PTPRJ: variants seen among roughly 807,000 people sequenced by gnomAD.
PTPRJ encodes receptor-type tyrosine-protein phosphatase eta.
PTPRJ carries 129 observed loss-of-function variants against 141.3 expected under a neutral mutation model. The ratio of observed to expected loss-of-function variants is 0.91; its 90% CI spans 0.79 to 1.06. The LOEUF is 1.06. Among genes scored for constraint, PTPRJ ranks in the 50% least tolerant of loss-of-function variants. The pLI is 0.00. For missense variants in PTPRJ, 1,601 were observed against 1,679.7 expected (o/e 0.95, Z 0.82); for synonymous variants, 610 against 640.5 (o/e 0.95, Z 0.72).
chr11:48,106,728 T>A (rs1405435685), intron 1 of PTPRJ, among the ~76,000 whole-genome samples: 1 of 151,720 alleles, frequency 6.6e-6, no homozygotes, highest in Non-Finnish European at 1.5e-5. Flanking sequence ...TGACTTAGTT[T>A]CTTTTTTTTC....
chr11:48,063,066 G>A (rs994605822), intron 1 of PTPRJ, among the ~76,000 whole-genome samples: 7 of 152,210 alleles, frequency 4.6e-5, no homozygotes, highest in Non-Finnish European at 1.0e-4. Flanking sequence ...AGTGGCTCAT[G>A]CCTGTAATCC....
At chr11:48,061,000 C>G (rs892997676) in intron 1 of PTPRJ, among the ~76,000 whole-genome samples, 3 of 152,134 alleles carry the variant, frequency 2.0e-5, no homozygotes, top group Non-Finnish European at 4.4e-5. Flanking sequence ...TCTTCTTCTC[C>G]TTTCTTTCTT....
chr11:48,003,529 C>G (rs1244577359), intron 1 of PTPRJ, among the ~76,000 whole-genome samples: 2 of 152,074 alleles, frequency 1.3e-5, no homozygotes, highest in African/African-American at 4.8e-5. Flanking sequence ...CAGAGTTTTG[C>G]TTGTCTCCCA....
chr11:48,130,828 A>T, intron 8 of PTPRJ, 112 bp downstream of exon 8: 1 of 1,245,840 alleles, frequency 8.0e-7, no homozygotes, highest in Non-Finnish European at 1.1e-6. Flanking sequence ...CTAAGAAAAA[A>T]CTTTAAAAAT....
rs1555061195 is a variant in PTPRJ at position 48,168,532 on chromosome 11, G to GTATATATATA, written c.*1171_*1172insATATATATAT. The GTATATATATA allele has an allele frequency of 3.9e-3, 170 of 43,912 alleles. 51 individuals are homozygous for GTATATATATA. The highest frequency in any genetic ancestry group is 4.8e-3 in the African/African-American group (55 of 11,480). 2.7% of individuals were successfully genotyped at this position (43,912 alleles called of 1,614,324 possible). A position where few individuals can be genotyped will look rare whatever the true frequency, so the allele number is the denominator to read the frequency against. On this transcript the variant is annotated 3_prime_UTR_variant, in exon 25 of 25. Transcript: ENST00000418331. ...GCCGTGACACATATCGGAATCTACT[G>GTATATATATA]TGTATATATATATATATATATATAT...
At chr11:48,002,596 T>C (rs1854528662) in intron 1 of PTPRJ, among the ~76,000 whole-genome samples, 1 of 152,210 alleles carries the variant, frequency 6.6e-6, no homozygotes. Flanking sequence ...TAATTCACTG[T>C]CCTGTCACCC....
At position 48,170,241 on chromosome 11, in the gene PTPRJ, A is replaced by G. The variant is rs1050952258; in HGVS notation, c.*2879A>G. On this transcript the variant is annotated 3_prime_UTR_variant, in exon 25 of 25. Transcript: ENST00000418331. ...TTGGGGGATTTGGGCCATTGATAGC[A>G]TCTCCCAGGAACAACGACTTTTTGC... The G allele has an allele frequency of 3.3e-5, 5 of 152,164 alleles. No individual in the cohort carries two copies. Among genetic ancestry groups the G allele is most frequent in the African/African-American group, 1.2e-4 (5 of 41,406 alleles). The allele number at this position is 152,164 out of a possible 1,614,324, so 9.4% of individuals were successfully genotyped here. A position where few individuals can be genotyped will look rare whatever the true frequency, so the allele number is the denominator to read the frequency against.
At chr11:48,066,829 G>A (rs192287384) in intron 1 of PTPRJ, among the ~76,000 whole-genome samples, 61 of 152,016 alleles carry the variant, frequency 4.0e-4, no homozygotes, top group African/African-American at 1.4e-3. Flanking sequence ...CAGGTGATCC[G>A]CCTGCCTCGG....
Position 48,139,790 on chromosome 11 carries a change from C to T in PTPRJ, c.2443+14C>T, listed in dbSNP as rs768652189. On this transcript the variant is annotated intron_variant, in intron 11 of 24. Coordinates refer to ENST00000418331, the MANE Select transcript of PTPRJ (RefSeq NM_002843.4). Reference sequence around the variant, plus strand: ...CTGGCATCACAGGTGGGCTACAAGGCAGGGGCTGGTCAGTTGGCACTGTGA... The same window carrying T: ...CTGGCATCACAGGTGGGCTACAAGGTAGGGGCTGGTCAGTTGGCACTGTGA... 2.5e-6 allele frequency: 4 copies of T among 1,612,758 alleles called. No individual in the cohort carries two copies. Among genetic ancestry groups the T allele is most frequent in the Non-Finnish European group, 3.4e-6 (4 of 1,179,626 alleles).
intron 1 of PTPRJ, among the ~76,000 whole-genome samples, chr11:47,985,503 G>T (rs1416367806): frequency 3.3e-5 from 5 of 151,814 alleles, no homozygotes; most frequent in Admixed American, 6.6e-5. Context: ...TATACTTCTG[G>T]AATCTTCACA....
chr11:48,092,257 T>C (rs1448310040), intron 1 of PTPRJ, among the ~76,000 whole-genome samples: 1 of 115,764 alleles, frequency 8.6e-6, no homozygotes, highest in Non-Finnish European at 1.6e-5. Flanking sequence ...ATCGCGCCAC[T>C]GCACTCCAGC....
chr11:48,116,491 C>T (rs1856569561), intron 3 of PTPRJ, among the ~76,000 whole-genome samples: 1 of 152,214 alleles, frequency 6.6e-6, no homozygotes, highest in African/African-American at 2.4e-5. Context: ...ACTTCCACCA[C>T]CTTACTTCCA....
Position 48,125,148 on chromosome 11 carries a change from G to A in PTPRJ, c.1055G>A (p.Gly352Asp). 5 of 1,614,136 alleles carry A rather than the reference G, an allele frequency of 3.1e-6. No homozygotes were observed. Among genetic ancestry groups the A allele is most frequent in the South Asian group, 1.1e-5 (1 of 91,080 alleles). The change falls in exon 6 of 25, where the codon GGC becomes GAC. Residue 352 changes from glycine to aspartate, a missense_variant. Physicochemically the swap from Gly to Asp is moderately conservative, Grantham distance 94. Coordinates refer to ENST00000418331, the MANE Select transcript of PTPRJ (RefSeq NM_002843.4). ...ACCGTTTATTCCCAAGCAGCGAATG[G>A]CACAGAAGGACAGCCCCAGGCCATA... ...NATVYSQAAN[G>D]TEGQPQAIEF... is the part of the protein sequence containing the mutation.
intron 1 of PTPRJ, among the ~76,000 whole-genome samples, chr11:48,053,241 T>TAA (rs1565278361): frequency 3.4e-5 from 3 of 87,092 alleles, no homozygotes; most frequent in African/African-American, 1.6e-4. Flanking sequence ...ATATATAATA[T>TAA]ATTTATATAA....
chr11:48,065,004 C>CTTTTT (rs61139660), intron 1 of PTPRJ, among the ~76,000 whole-genome samples: 15 of 117,210 alleles, frequency 1.3e-4, no homozygotes, highest in Non-Finnish European at 1.0e-4. Flanking sequence ...CCTCAACTAC[C>CTTTTT]TTTTTTTTTT....
At chr11:47,996,334 C>CAAAAAAA (rs1292092161) in intron 1 of PTPRJ, among the ~76,000 whole-genome samples, 1 of 56,214 alleles carries the variant, frequency 1.8e-5, no homozygotes, top group Non-Finnish European at 3.7e-5. Flanking sequence ...GACTCTGTCT[C>CAAAAAAA]AAAAAAAAAA....
chr11:48,069,098 A>G (rs1338037842), intron 1 of PTPRJ, among the ~76,000 whole-genome samples: 1 of 150,040 alleles, frequency 6.7e-6, no homozygotes, highest in East Asian at 1.9e-4. Context: ...CCATTTTCAA[A>G]TGTTCTTTTT....
chr11:48,125,132 T>C lies in PTPRJ; in HGVS notation c.1039T>C (p.Ser347Pro), dbSNP rs750944742. 6 of 1,614,022 alleles carry C rather than the reference T, an allele frequency of 3.7e-6. No homozygotes were observed. The African/African-American group carries it at 8.0e-5, about 22-fold the overall frequency. Residue 347 changes from serine to proline, a missense_variant, in exon 6 of 25, where the codon TCC becomes CCC. By Grantham distance (74) the Ser-to-Pro change is moderately conservative (BLOSUM62 -1). Coordinates refer to ENST00000418331, the MANE Select transcript of PTPRJ (RefSeq NM_002843.4). ...PGTRYNATVY[S>P]QAANGTEGQP... The stretch of plus-strand genomic sequence containing the variant: ...CACCCGATACAATGCCACCGTTTAT[T>C]CCCAAGCAGCGAATGGCACAGAAGG...
intron 1 of PTPRJ, among the ~76,000 whole-genome samples, chr11:48,033,934 G>A (rs1322225518): frequency 6.6e-6 from 1 of 152,202 alleles, no homozygotes; most frequent in African/African-American, 2.4e-5. Flanking sequence ...TTCAGCAAAC[G>A]CTTCACTTCC....
Sources: gnomAD v4.1 joint callset for allele counts (sites outside exome capture counted in the v4.1 genomes callset) on GRCh38, gnomAD v4.1.1 for gene constraint, MANE v1.5 for transcripts, NCBI Gene and HGNC (gene_info 2026-07-23, HGNC 2026-07-21) for gene names.